Variants in UBOX5 observed in about 807,000 individuals in gnomAD.
UBOX5 encodes the protein U-box domain containing 5, also known as RING finger protein 37.
Under a neutral mutation model 39.0 loss-of-function variants are expected in UBOX5, and 28 were observed. That is an observed-to-expected ratio of 0.72 (90% CI 0.53 to 0.98). The LOEUF (loss-of-function observed/expected upper bound fraction) is 0.98. UBOX5 is among the 50% of genes least tolerant of loss of function. UBOX5 has a pLI of 0.00. For synonymous variants in UBOX5, 283 were observed against 275.5 expected (o/e 1.03, Z -0.27); for missense variants, 585 against 674.4 (o/e 0.87, Z 1.47).
At chr20:3,135,200 A>G (rs6051599) in intron 1 of UBOX5, among the ~76,000 whole-genome samples, 11 of 152,314 alleles carry the variant, frequency 7.2e-5, no homozygotes, top group African/African-American at 1.9e-4. Flanking sequence ...TGGTCAACTC[A>G]GGGGAAAATT....
chr20:3,154,516 C>T (rs1471390069), intron 1 of UBOX5, among the ~76,000 whole-genome samples: 4 of 151,834 alleles, frequency 2.6e-5, no homozygotes, highest in African/African-American at 9.7e-5. Context: ...ACCCCCACCT[C>T]TACAAAATAT....
At chr20:3,147,980 C>CG in intron 1 of UBOX5, 1 of 1,614,144 alleles carries the variant, frequency 6.2e-7, no homozygotes, top group Non-Finnish European at 8.5e-7. Flanking sequence ...GTGAGTGAAA[C>CG]GGAACATTTT....
intron 1 of UBOX5, among the ~76,000 whole-genome samples, chr20:3,157,630 C>G (rs1407232602): frequency 6.6e-6 from 1 of 152,136 alleles, no homozygotes; most frequent in African/African-American, 2.4e-5. Context: ...TTTAGAAAAC[C>G]TCTCCATATA....
intron 2 of UBOX5, among the ~76,000 whole-genome samples, chr20:3,122,917 C>T (rs1336597275): frequency 6.6e-6 from 1 of 151,992 alleles, no homozygotes; most frequent in Non-Finnish European, 1.5e-5. Flanking sequence ...CCCCATATCC[C>T]TTTTCCCTGC....
chr20:3,122,807 G>C (rs920193604), intron 2 of UBOX5, among the ~76,000 whole-genome samples: 1 of 151,618 alleles, frequency 6.6e-6, no homozygotes, highest in African/African-American at 2.4e-5. Context: ...AACTGAGCTG[G>C]GCATGTTGGT....
intron 1 of UBOX5, among the ~76,000 whole-genome samples, chr20:3,144,130 A>G (rs76625210): frequency 0.013 from 1,949 of 152,298 alleles, 20 homozygotes; most frequent in South Asian, 0.057. Context: ...CAGATTCAAT[A>G]CTGTCCCTAT....
intron 2 of UBOX5, 125 bp from the exon 3 acceptor site, chr20:3,122,709 A>G: frequency 1.5e-6 from 2 of 1,322,456 alleles, no homozygotes; most frequent in Non-Finnish European, 2.0e-6. Context: ...ATTGTCCCAG[A>G]TCAGGGCACC....
chr20:3,139,342 C>G (rs2148611580), intron 1 of UBOX5, among the ~76,000 whole-genome samples: 1 of 152,264 alleles, frequency 6.6e-6, no homozygotes, highest in African/African-American at 2.4e-5. Flanking sequence ...TTAACATGTG[C>G]TAGGCACAAG....
At chr20:3,110,531 G>T in intron 4 of UBOX5, 1 of 582,624 alleles carries the variant, frequency 1.7e-6, no homozygotes. Flanking sequence ...AAATCTCAGT[G>T]CCTCTACGAA....
intron 1 of UBOX5, among the ~76,000 whole-genome samples, chr20:3,138,290 A>G (rs960138865): frequency 7.3e-5 from 11 of 151,174 alleles, no homozygotes; most frequent in African/African-American, 2.2e-4. Flanking sequence ...AAAAAAAAAA[A>G]GTATTATGAA....
intron 1 of UBOX5, among the ~76,000 whole-genome samples, chr20:3,133,756 TG>T (rs113241293): frequency 0.11 from 16,562 of 147,854 alleles, 1,061 homozygotes; most frequent in African/African-American, 0.16. Flanking sequence ...TTATTTTTTT[TG>T]GGGGGGGGAA....
intron 1 of UBOX5, among the ~76,000 whole-genome samples, chr20:3,124,938 C>A (rs1368737686): frequency 1.9e-5 from 2 of 107,962 alleles, no homozygotes; most frequent in African/African-American, 3.7e-5. Context: ...ATCTGGGAAG[C>A]GAGGAGCGCT....
chr20:3,115,998 A>G (rs149340257), intron 3 of UBOX5, among the ~76,000 whole-genome samples: 1,744 of 152,004 alleles, frequency 0.011, 35 homozygotes, highest in African/African-American at 0.04. Context: ...CTCGTGATCC[A>G]CCTGCCTCAG....
At chr20:3,113,785 G>A (rs1251911318) in intron 4 of UBOX5, among the ~76,000 whole-genome samples, 2 of 152,162 alleles carry the variant, frequency 1.3e-5, no homozygotes, top group East Asian at 3.9e-4. Context: ...GCAGTGAGGG[G>A]GAAAAGCTCT....
intron 1 of UBOX5, among the ~76,000 whole-genome samples, chr20:3,152,189 AC>A (rs1490815048): frequency 6.6e-6 from 1 of 151,304 alleles, no homozygotes; most frequent in African/African-American, 2.4e-5. Context: ...TTTTAAGAAG[AC>A]CTATTTTTGG....
At chr20:3,147,817 C>G (rs1436682904) in intron 1 of UBOX5, 1 of 1,614,168 alleles carries the variant, frequency 6.2e-7, no homozygotes, top group South Asian at 1.1e-5. Context: ...CTCTAGGAGG[C>G]AAAGACGCAG....
At chr20:3,132,047 C>T (rs2066433479) in intron 1 of UBOX5, among the ~76,000 whole-genome samples, 1 of 145,904 alleles carries the variant, frequency 6.9e-6, no homozygotes, top group South Asian at 2.2e-4. Context: ...TGGTGGTTCA[C>T]ATCTGTAATC....
Position 3,139,477 on chromosome 20 carries a change from C to A in UBOX5, c.-41-16071G>T, listed in dbSNP as rs574504577. Among the ~76,000 whole-genome samples the A allele has an allele frequency of 2.3e-3, 349 of 151,880 alleles. 1 individual carries two copies. Among genetic ancestry groups the A allele is most frequent in the Middle Eastern group, 0.014 (4 of 294 alleles). On this transcript the variant is annotated intron_variant, in intron 1 of 4. Coordinates refer to ENST00000217173, the MANE Select transcript of UBOX5 (RefSeq NM_014948.4). ...CGATCTCGGCTCACTGCAACCTCCC[C>A]GTCGTGGGTTCAAGCGATTCTCCTG... is the stretch of plus-strand genomic sequence containing the variant.
rs2066285410 is a variant in UBOX5, at chr20:3,115,362, G to C, written c.1360C>G (p.Leu454Val). ...CTCCCTCTTGTGCCAAGGTGCTGGA[G>C]CTGTCCCCTGGTCAGCCGTGCCGTG... Reference protein sequence around the residue: ...SFTARLTRGQLQHLGTRGSNT... With the variant: ...SFTARLTRGQVQHLGTRGSNT... Residue 454 changes from leucine to valine, a missense_variant, in exon 4 of 5, where the codon CTC (leucine) becomes GTC (valine). Coordinates refer to ENST00000217173, the MANE Select transcript of UBOX5 (RefSeq NM_014948.4). The C allele has an allele frequency of 1.2e-6, 2 of 1,614,174 alleles. No homozygotes were observed. Among genetic ancestry groups the C allele is most frequent in the Non-Finnish European group, 1.7e-6 (2 of 1,180,016 alleles).
Sources: allele counts gnomAD v4.1 joint callset (sites outside exome capture counted in the v4.1 genomes callset), GRCh38; gene constraint gnomAD v4.1.1; transcripts MANE v1.5; gene names NCBI Gene and HGNC (gene_info 2026-07-23, HGNC 2026-07-21).